CACNA2D2: variants seen among roughly 807,000 people sequenced by gnomAD.
CACNA2D2 encodes calcium voltage-gated channel auxiliary subunit alpha2delta 2, also known as voltage-dependent calcium channel subunit alpha-2/delta-2.
Under a neutral mutation model 166.4 loss-of-function variants are expected in CACNA2D2, and 48 were observed. That is an observed-to-expected ratio of 0.29 (90% CI 0.23 to 0.37). CACNA2D2 has a LOEUF of 0.37. Ranked by LOEUF, CACNA2D2 falls within the 10% of genes least tolerant of loss-of-function variation. CACNA2D2 has a pLI of 1.00. For synonymous variants in CACNA2D2, 561 were observed against 573.7 expected (o/e 0.98, Z 0.32); for missense variants, 1,122 against 1,433.0 (o/e 0.78, Z 3.50).
At chr3:50,408,871 G>A (rs2106790560) in intron 3 of CACNA2D2, among the ~76,000 whole-genome samples, 1 of 152,378 alleles carries the variant, frequency 6.6e-6, no homozygotes, top group African/African-American at 2.4e-5. Context: ...CAGGACAGCA[G>A]TCGTGTACAT....
At chr3:50,422,090 G>A (rs1707596023) in intron 3 of CACNA2D2, among the ~76,000 whole-genome samples, 7 of 152,014 alleles carry the variant, frequency 4.6e-5, no homozygotes, top group Admixed American at 4.6e-4. Context: ...TTAGCACCAG[G>A]AGCTGTCACG....
At chr3:50,434,988 C>T (rs1405704117) in intron 2 of CACNA2D2, among the ~76,000 whole-genome samples, 1 of 152,222 alleles carries the variant, frequency 6.6e-6, no homozygotes, top group Non-Finnish European at 1.5e-5. Context: ...CTGGGCAATC[C>T]CACGGGCTCC....
At chr3:50,475,498 TGGCTCAGGAGCCCGGGGCCTGACAGCA>T (rs1710269513) in intron 2 of CACNA2D2, among the ~76,000 whole-genome samples, 1 of 152,146 alleles carries the variant, frequency 6.6e-6, no homozygotes, top group Non-Finnish European at 1.5e-5. Context: ...TAGAGAGCAA[TGGCTCAGGAGCCCGGGGCCTGACAGCA>T]GCACATTTTG....
intron 2 of CACNA2D2, among the ~76,000 whole-genome samples, chr3:50,451,126 A>C (rs1709082981): frequency 6.6e-6 from 1 of 151,504 alleles, no homozygotes; most frequent in South Asian, 2.1e-4. Context: ...CCCTCCCACC[A>C]GGGGCTGTTT....
chr3:50,396,564 G>A (rs888782978), intron 3 of CACNA2D2, among the ~76,000 whole-genome samples: 4 of 152,216 alleles, frequency 2.6e-5, no homozygotes, highest in Middle Eastern at 3.4e-3. Context: ...GATGGATGAG[G>A]CCCCCAATTC....
At chr3:50,466,620 A>G (rs962610525) in intron 2 of CACNA2D2, among the ~76,000 whole-genome samples, 1 of 152,204 alleles carries the variant, frequency 6.6e-6, no homozygotes, top group African/African-American at 2.4e-5. Flanking sequence ...AGCACCACGC[A>G]TCTCTCATGA....
chr3:50,371,510 C>T (rs1184375877), intron 22 of CACNA2D2, among the ~76,000 whole-genome samples: 1 of 152,172 alleles, frequency 6.6e-6, no homozygotes, highest in Non-Finnish European at 1.5e-5. Context: ...CTGCTCTTGG[C>T]CTGTCTCACT....
intron 2 of CACNA2D2, among the ~76,000 whole-genome samples, chr3:50,465,063 T>TG (rs773726474): frequency 6.6e-6 from 1 of 152,218 alleles, no homozygotes; most frequent in East Asian, 1.9e-4. Context: ...TCCATACTCC[T>TG]GCTGGGCCTA....
chr3:50,406,980 G>A (rs1005237904), intron 3 of CACNA2D2, among the ~76,000 whole-genome samples: 9 of 151,850 alleles, frequency 5.9e-5, no homozygotes, highest in Admixed American at 2.0e-4. Flanking sequence ...GTAAACAAAT[G>A]ACTCAGTGAC....
chr3:50,441,989 T>C (rs752136930), intron 2 of CACNA2D2, among the ~76,000 whole-genome samples: 4 of 152,218 alleles, frequency 2.6e-5, no homozygotes, highest in Non-Finnish European at 5.9e-5. Flanking sequence ...CTGTCAGGAA[T>C]GCTGAGAAGG....
chr3:50,496,976 T>C (rs1172706364), intron 1 of CACNA2D2, among the ~76,000 whole-genome samples: 1 of 152,194 alleles, frequency 6.6e-6, no homozygotes, highest in Non-Finnish European at 1.5e-5. Context: ...ATGAGGATCA[T>C]TTCCAAGGTG....
chr3:50,451,425 C>G (rs915720300), intron 2 of CACNA2D2, among the ~76,000 whole-genome samples: 1 of 152,158 alleles, frequency 6.6e-6, no homozygotes, highest in African/African-American at 2.4e-5. Flanking sequence ...CACGCACGGC[C>G]CAGGGGCTGT....
At chr3:50,476,350 C>A (rs1697765918) in intron 1 of CACNA2D2, 151 bp from the exon 2 acceptor site, 2 of 632,328 alleles carry the variant, frequency 3.2e-6, no homozygotes, top group Admixed American at 2.4e-5. Context: ...CAGCAAGCAC[C>A]TGCGATTCCC....
intron 22 of CACNA2D2, among the ~76,000 whole-genome samples, chr3:50,372,811 C>T (rs752637922): frequency 7.3e-5 from 11 of 151,652 alleles, no homozygotes; most frequent in Non-Finnish European, 1.6e-4. Flanking sequence ...AGTGAGGGGT[C>T]CAAGGAAAGG....
intron 2 of CACNA2D2, among the ~76,000 whole-genome samples, chr3:50,450,202 G>T (rs1709032302): frequency 6.6e-6 from 1 of 152,160 alleles, no homozygotes; most frequent in Non-Finnish European, 1.5e-5. Flanking sequence ...CTAAAATGGG[G>T]CAGGATTCAC....
At chr3:50,390,787 G>T (rs1705849602) in intron 4 of CACNA2D2, among the ~76,000 whole-genome samples, 1 of 152,196 alleles carries the variant, frequency 6.6e-6, no homozygotes, top group Non-Finnish European at 1.5e-5. Flanking sequence ...GAGGAGGGTG[G>T]GTCTCAGGGA....
At position 50,375,510 on chromosome 3, in the gene CACNA2D2, G is replaced by T; in HGVS notation, c.1907+134C>A. On this transcript the variant is annotated intron_variant, in intron 21 of 37. Transcript: ENST00000424201. The surrounding 1 kb of genome is among the most constrained non-coding windows in gnomAD (Gnocchi z 4.0). The stretch of plus-strand genomic sequence containing the variant: ...TCTCTTGGCAGACTAAGCATCTCAG[G>T]GTGAGTAGTGAGCAGCCCTGGCCAC... 2.3e-6 allele frequency: 2 copies of T among 856,078 alleles called. No individual in the cohort carries two copies. The allele number at this position is 856,078 out of a possible 1,614,324, so 53.0% of individuals were successfully genotyped here. A position where few individuals can be genotyped will look rare whatever the true frequency, so the allele number is the denominator to read the frequency against.
intron 3 of CACNA2D2, among the ~76,000 whole-genome samples, chr3:50,411,048 A>T (rs1462420157): frequency 1.3e-5 from 2 of 152,210 alleles, no homozygotes; most frequent in Non-Finnish European, 2.9e-5. Context: ...CAGGCAGGGA[A>T]GGGCTGTTCC....
intron 1 of CACNA2D2, among the ~76,000 whole-genome samples, chr3:50,493,028 C>A (rs1000947640): frequency 6.6e-6 from 1 of 152,148 alleles, no homozygotes; most frequent in Non-Finnish European, 1.5e-5. Flanking sequence ...CACCGGGGGC[C>A]CAGCTTGTAG....
Sources: allele counts gnomAD v4.1 joint callset (sites outside exome capture counted in the v4.1 genomes callset), GRCh38; gene constraint gnomAD v4.1.1; non-coding constraint Gnocchi (gnomAD v3.1); transcripts MANE v1.5; gene names NCBI Gene and HGNC (gene_info 2026-07-23, HGNC 2026-07-21).